MIS18A: variants seen among roughly 807,000 people sequenced by gnomAD.
MIS18A encodes MIS18 kinetochore protein A.
Under a neutral mutation model 25.0 loss-of-function variants are expected in MIS18A, and 14 were observed. The ratio of observed to expected loss-of-function variants is 0.56; its 90% CI spans 0.37 to 0.88. The LOEUF is 0.88. Among genes scored for constraint, MIS18A ranks in the 40% least tolerant of loss-of-function variants. MIS18A has a pLI of 0.00. For missense variants in MIS18A, 292 were observed against 290.8 expected, an observed-to-expected ratio of 1.00 and a Z score of -0.03; for synonymous variants, 134 against 118.6, an observed-to-expected ratio of 1.13 and a Z score of -0.84.
downstream of MIS18A, among the ~76,000 whole-genome samples, chr21:32,265,390 G>A (rs554964366): frequency 6.6e-5 from 10 of 152,346 alleles, no homozygotes; most frequent in African/African-American, 2.2e-4. Context: ...CTGGAGTTCC[G>A]GGTGGGCGTG....
chr21:32,191,592 GAAAACA>G, the MIS18A span, among the ~76,000 whole-genome samples: 32 of 151,974 alleles, frequency 2.1e-4, no homozygotes, highest in South Asian at 4.2e-4. Context: ...CCTTAAAAAA[GAAAACA>G]AAAACAAAAA....
the MIS18A span, among the ~76,000 whole-genome samples, chr21:32,203,792 A>AT: frequency 4.0e-5 from 6 of 151,206 alleles, no homozygotes; most frequent in Non-Finnish European, 7.4e-5. Flanking sequence ...AATTTTTTGT[A>AT]TTTTTTTGTA....
the MIS18A span, among the ~76,000 whole-genome samples, chr21:32,234,650 T>C: frequency 3.9e-5 from 6 of 152,078 alleles, no homozygotes; most frequent in Admixed American, 2.6e-4. Flanking sequence ...TCTCACTCGG[T>C]TCATGTGAGA....
Position 32,279,006 on chromosome 21 carries a change from G to A in MIS18A, c.9C>T (p.Gly3=), listed in dbSNP as rs755269984. The change falls in exon 1 of 5, where the codon GGC becomes GGT. Residue 3 remains glycine, a synonymous_variant. Transcript: ENST00000290130. The stretch of plus-strand genomic sequence containing the variant: ...CTCTGCTACACCTCAGTGACCGAAC[G>A]CCTGCCATTACCTACAAATCGCCCG... MA[G]VRSLRCSRGC... 1.9e-6 allele frequency: 3 copies of A among 1,595,120 alleles called. No homozygotes were observed. Among genetic ancestry groups the A allele is most frequent in the Non-Finnish European group, 1.7e-6 (2 of 1,171,548 alleles).
the MIS18A span, among the ~76,000 whole-genome samples, chr21:32,172,994 T>G: frequency 1.3e-5 from 2 of 152,092 alleles, no homozygotes; most frequent in Non-Finnish European, 2.9e-5. Flanking sequence ...GCTAAACCTA[T>G]AAAACTATGA....
chr21:32,197,724 T>C, the MIS18A span: 1 of 152,280 alleles, frequency 6.6e-6, no homozygotes, highest in East Asian at 1.9e-4. Context: ...GGAAGCATGT[T>C]TCAAAGACCC....
chr21:32,258,251 T>C, the MIS18A span, among the ~76,000 whole-genome samples: 1 of 152,158 alleles, frequency 6.6e-6, no homozygotes, highest in Non-Finnish European at 1.5e-5. Context: ...TGTAGAATGC[T>C]AGTGCCTTGG....
chr21:32,183,372 T>G, the MIS18A span, among the ~76,000 whole-genome samples: 1 of 152,236 alleles, frequency 6.6e-6, no homozygotes, highest in Non-Finnish European at 1.5e-5. Flanking sequence ...CAATTGCTTT[T>G]GCCAACAGCT....
chr21:32,190,394 G>A, the MIS18A span, among the ~76,000 whole-genome samples: 1 of 152,150 alleles, frequency 6.6e-6, no homozygotes, highest in Non-Finnish European at 1.5e-5. Flanking sequence ...TCTGTGTTTT[G>A]AGAATTGGTA....
At chr21:32,245,977 C>T in the MIS18A span, among the ~76,000 whole-genome samples, 1 of 152,052 alleles carries the variant, frequency 6.6e-6, no homozygotes, top group Non-Finnish European at 1.5e-5. Flanking sequence ...TCTGGAGTGG[C>T]CTCAGGAAGC....
At chr21:32,256,025 G>GA in the MIS18A span, among the ~76,000 whole-genome samples, 3 of 152,124 alleles carry the variant, frequency 2.0e-5, no homozygotes, top group African/African-American at 7.2e-5. Context: ...CTTCTTTGAG[G>GA]ATAACCATAA....
At chr21:32,231,910 T>TCAAAA in the MIS18A span, among the ~76,000 whole-genome samples, 65 of 152,144 alleles carry the variant, frequency 4.3e-4, no homozygotes, top group African/African-American at 7.9e-4. Flanking sequence ...AGACTCCGTC[T>TCAAAA]CAAAACAAAA....
the MIS18A span, among the ~76,000 whole-genome samples, chr21:32,231,284 C>T: frequency 6.8e-6 from 1 of 147,908 alleles, no homozygotes; most frequent in Non-Finnish European, 1.5e-5. Context: ...AAGTTATTTG[C>T]AAATCACATA....
chr21:32,161,608 C>T, the MIS18A span, among the ~76,000 whole-genome samples: 9 of 151,532 alleles, frequency 5.9e-5, no homozygotes, highest in African/African-American at 2.2e-4. Flanking sequence ...TCTCCTGCCT[C>T]AGCCTCCCAA....
In MIS18A at chr21:32,272,374, G is replaced by A. The variant is rs570017960; in HGVS notation, c.402-1845C>T. On this transcript the variant is annotated intron_variant, in intron 2 of 4. Transcript: ENST00000290130. ...ATTCACAAGCATCCCAAAGCAACAC[G>A]GGAGTGTGCAGCACACAACCCTAGT... is the stretch of plus-strand genomic sequence containing the variant. 3.2e-4 allele frequency among the ~76,000 whole-genome samples: 49 copies of A among 152,316 alleles called. No homozygotes were observed. In the South Asian group the frequency reaches 9.3e-3, roughly 29 times the overall value.
At chr21:32,262,345 A>G in the MIS18A span, among the ~76,000 whole-genome samples, 1 of 152,242 alleles carries the variant, frequency 6.6e-6, no homozygotes, top group South Asian at 2.1e-4. Context: ...AGGCTTCCTA[A>G]GGTTTCTCCT....
In MIS18A at chr21:32,278,754, G is replaced by T. The variant is rs577362801; in HGVS notation, c.261C>A (p.Gly87=). The T allele has an allele frequency of 1.3e-6, 2 of 1,577,880 alleles. No individual in the cohort carries two copies. Among genetic ancestry groups the T allele is most frequent in the East Asian group, 2.3e-5 (1 of 43,860 alleles). Residue 87 remains glycine, a synonymous_variant, in exon 1 of 5, where the codon GGC becomes GGA. Transcript: ENST00000290130. ...EERPLVFLCS[G]CRRPLGDSLS... is the part of the protein sequence containing the mutation. Reference sequence around the variant, plus strand: ...GCGAGTCGCCCAGCGGCCGCCGGCAGCCGGAGCACAGGAACACCAGCGGCC... The same window carrying T: ...GCGAGTCGCCCAGCGGCCGCCGGCATCCGGAGCACAGGAACACCAGCGGCC...
At chr21:32,219,084 AT>A in the MIS18A span, among the ~76,000 whole-genome samples, 2 of 150,680 alleles carry the variant, frequency 1.3e-5, no homozygotes, top group South Asian at 2.1e-4. Flanking sequence ...AAAAAAAAAA[AT>A]CTTATCAGCA....
the MIS18A span, chr21:32,259,792 G>T: frequency 6.6e-6 from 1 of 152,152 alleles, no homozygotes; most frequent in African/African-American, 2.4e-5. Context: ...CCAATCCCAA[G>T]AATTCATTGT....
Sources: allele counts gnomAD v4.1 joint callset (sites outside exome capture counted in the v4.1 genomes callset), GRCh38; gene constraint gnomAD v4.1.1; transcripts MANE v1.5; gene names NCBI Gene and HGNC (gene_info 2026-07-23, HGNC 2026-07-21).